Variants in PHLPP2 observed in about 807,000 individuals in gnomAD.
PHLPP2 encodes PH domain and leucine rich repeat protein phosphatase 2, also known as PH domain leucine-rich repeat-containing protein phosphatase 2.
A neutral mutation model predicts 124.9 loss-of-function variants in PHLPP2; 66 were observed. That is an observed-to-expected ratio of 0.53 (90% CI 0.43 to 0.65). PHLPP2 has a LOEUF of 0.65. PHLPP2 is among the 30% of genes least tolerant of loss of function. The pLI is 0.00. For synonymous variants in PHLPP2, 681 were observed against 624.7 expected, an observed-to-expected ratio of 1.09 and a Z score of -1.34; for missense variants, 1,685 against 1,600.4, an observed-to-expected ratio of 1.05 and a Z score of -0.90.
intron 15 of PHLPP2, among the ~76,000 whole-genome samples, chr16:71,657,553 C>T (rs1383072833): frequency 6.6e-6 from 1 of 151,588 alleles, no homozygotes; most frequent in Non-Finnish European, 1.5e-5. Context: ...CGCCACCTCG[C>T]CCGGCTAATT....
At chr16:71,698,201 T>C (rs1201719241) in intron 3 of PHLPP2, among the ~76,000 whole-genome samples, 3 of 152,080 alleles carry the variant, frequency 2.0e-5, no homozygotes, top group Admixed American at 6.5e-5. Flanking sequence ...GTGGAAGCCC[T>C]CACAAGAGCA....
chr16:71,664,924 C>T (rs2044825429), intron 12 of PHLPP2, among the ~76,000 whole-genome samples: 1 of 152,164 alleles, frequency 6.6e-6, no homozygotes, highest in Non-Finnish European at 1.5e-5. Context: ...CCTTAGGGTA[C>T]ATTCCTAAAA....
In PHLPP2 at chr16:71,649,800, C is replaced by T. The variant is rs762959444; in HGVS notation, c.3062G>A (p.Gly1021Asp). 1.1e-5 allele frequency: 18 copies of T among 1,614,130 alleles called. No individual in the cohort carries two copies. The highest frequency in any genetic ancestry group is 1.6e-4 in the Middle Eastern group (1 of 6,084). ...KKLCTLAQSY[G>D]CQDNVGAMVV... ...CATCGCCCCTACATTGTCCTGACAG[C>T]CATAGCTCTGCGCTAATGTGCACAG... Residue 1021 changes from glycine (G) to aspartate (D), a missense_variant, in exon 19 of 19, where the codon GGC (glycine) becomes GAC (aspartate). Coordinates refer to ENST00000568954, the MANE Select transcript of PHLPP2 (RefSeq NM_015020.3).
intron 5 of PHLPP2, among the ~76,000 whole-genome samples, chr16:71,682,591 A>AG (rs2045012645): frequency 6.6e-6 from 1 of 152,212 alleles, no homozygotes; most frequent in African/African-American, 2.4e-5. Context: ...GCTACTTATC[A>AG]GCAGTTTCTT....
At chr16:71,718,440 C>G (rs191995890) in intron 1 of PHLPP2, among the ~76,000 whole-genome samples, 1 of 151,210 alleles carries the variant, frequency 6.6e-6, no homozygotes, top group African/African-American at 2.4e-5. Context: ...ATTAGCTGGG[C>G]GTGGTGGTGC....
intron 4 of PHLPP2, among the ~76,000 whole-genome samples, chr16:71,684,893 T>C (rs1268858109): frequency 1.3e-5 from 2 of 151,906 alleles, no homozygotes; most frequent in African/African-American, 4.8e-5. Context: ...GTCCACTATG[T>C]CCCCCTTACT....
intron 3 of PHLPP2, among the ~76,000 whole-genome samples, chr16:71,692,238 AT>A (rs1359391471): frequency 6.6e-6 from 1 of 151,504 alleles, no homozygotes; most frequent in African/African-American, 2.4e-5. Flanking sequence ...CCCGGCTAAT[AT>A]TTTGTATTTT....
chr16:71,690,477 A>T, intron 4 of PHLPP2, 42 bp downstream of exon 4: 1 of 1,309,672 alleles, frequency 7.6e-7, no homozygotes, highest in Non-Finnish European at 1.1e-6. Context: ...TTTCTTAATT[A>T]AGATGATCAA....
At chr16:71,654,087 CG>C (rs1268893942) in intron 17 of PHLPP2, among the ~76,000 whole-genome samples, 1 of 148,968 alleles carries the variant, frequency 6.7e-6, no homozygotes, top group Non-Finnish European at 1.5e-5. Flanking sequence ...CCCAGCTACT[CG>C]GGAGGCTGAG....
chr16:71,696,898 G>A (rs750385977), intron 3 of PHLPP2, among the ~76,000 whole-genome samples: 3 of 152,060 alleles, frequency 2.0e-5, no homozygotes, highest in South Asian at 2.1e-4. Flanking sequence ...TTCTGGCCAC[G>A]CACAGTGGCT....
chr16:71,717,049 T>G (rs982680408), intron 1 of PHLPP2, among the ~76,000 whole-genome samples: 5 of 152,166 alleles, frequency 3.3e-5, no homozygotes, highest in African/African-American at 1.2e-4. Context: ...AATCTGTACC[T>G]TAGTCCAATT....
At chr16:71,695,015 G>A (rs772140937) in intron 3 of PHLPP2, among the ~76,000 whole-genome samples, 6 of 152,002 alleles carry the variant, frequency 3.9e-5, no homozygotes, top group Non-Finnish European at 5.9e-5. Context: ...TCGATCTCCC[G>A]ACCTCATGAT....
chr16:71,705,020 T>C (rs1467520091), intron 2 of PHLPP2, among the ~76,000 whole-genome samples: 3 of 152,160 alleles, frequency 2.0e-5, no homozygotes, highest in Non-Finnish European at 2.9e-5. Context: ...CTCAGAACAA[T>C]GAGAAGGTGC....
chr16:71,707,089 G>C (rs1438136236), intron 2 of PHLPP2, among the ~76,000 whole-genome samples: 2 of 150,864 alleles, frequency 1.3e-5, no homozygotes, highest in Non-Finnish European at 1.5e-5. Context: ...CGAGTAGCTG[G>C]GACTACAGGC....
At chr16:71,653,749 C>T (rs552131649) in intron 17 of PHLPP2, among the ~76,000 whole-genome samples, 1 of 152,262 alleles carries the variant, frequency 6.6e-6, no homozygotes, top group African/African-American at 2.4e-5. Flanking sequence ...AAATGGAGTT[C>T]CCTTTCCTAA....
rs572362561 is a variant in PHLPP2 at position 71,705,552 on chromosome 16, C to A, written c.285-2821G>T. On this transcript the variant is annotated intron_variant, in intron 2 of 18. Coordinates refer to ENST00000568954, the MANE Select transcript of PHLPP2 (RefSeq NM_015020.3). ...TTTGAGCCGAAGTCTCGCTCTGTTG[C>A]CCAGGCTGGAGTGCAGTGGTGCGAT... 2.6e-5 allele frequency among the ~76,000 whole-genome samples: 4 copies of A among 152,062 alleles called. No homozygotes were observed. In the South Asian group the frequency reaches 8.3e-4, roughly 32 times the overall value.
intron 1 of PHLPP2, among the ~76,000 whole-genome samples, chr16:71,719,969 T>TTTTTTTTTTTTTTTTTTTTTTTA (rs2045388032): frequency 8.3e-6 from 1 of 120,706 alleles, no homozygotes; most frequent in African/African-American, 3.3e-5. Flanking sequence ...AGCTAATTTT[T>TTTTTTTTTTTTTTTTTTTTTTTA]TTTTTTTTTT....
chr16:71,668,207 C>T (rs112447594), intron 11 of PHLPP2, among the ~76,000 whole-genome samples: 10 of 150,702 alleles, frequency 6.6e-5, no homozygotes, highest in African/African-American at 1.7e-4. Context: ...GTCAGGAGAT[C>T]GAGACCATCC....
chr16:71,707,256 A>G (rs2145375000), intron 2 of PHLPP2, among the ~76,000 whole-genome samples: 1 of 152,180 alleles, frequency 6.6e-6, no homozygotes, highest in South Asian at 2.1e-4. Flanking sequence ...CGCCCGGCCA[A>G]GATACACCAT....
Sources: gnomAD v4.1 joint callset for allele counts (sites outside exome capture counted in the v4.1 genomes callset) on GRCh38, gnomAD v4.1.1 for gene constraint, MANE v1.5 for transcripts, NCBI Gene and HGNC (gene_info 2026-07-23, HGNC 2026-07-21) for gene names.